LRRTM4: variants seen among roughly 807,000 people sequenced by gnomAD.
LRRTM4 encodes leucine rich repeat transmembrane neuronal 4.
In LRRTM4, 25 loss-of-function variants were observed where a neutral mutation model predicts 47.6. The ratio of observed to expected loss-of-function variants is 0.53; its 90% confidence interval spans 0.38 to 0.73. The LOEUF is 0.73. LRRTM4 is among the 30% of genes least tolerant of loss of function. The pLI, the probability that LRRTM4 is intolerant of heterozygous loss-of-function variation, is 0.00. For missense variants in LRRTM4, 638 were observed against 713.4 expected, an observed-to-expected ratio of 0.89 and a Z score of 1.20; for synonymous variants, 311 against 269.5, an observed-to-expected ratio of 1.15 and a Z score of -1.51.
At chr2:76,762,960 T>G (rs1343734346) in intron 3 of LRRTM4, among the ~76,000 whole-genome samples, 4 of 152,190 alleles carry the variant, frequency 2.6e-5, no homozygotes, top group African/African-American at 9.7e-5. Flanking sequence ...GTTTATGTAA[T>G]ATGACTGACG....
chr2:77,222,109 G>A (rs1674653601), intron 3 of LRRTM4, among the ~76,000 whole-genome samples: 1 of 152,094 alleles, frequency 6.6e-6, no homozygotes, highest in Admixed American at 6.5e-5. Context: ...AATGACTACT[G>A]GGTACATAAG....
chr2:77,348,218 C>T (rs1428714980), intron 3 of LRRTM4, among the ~76,000 whole-genome samples: 1 of 151,454 alleles, frequency 6.6e-6, no homozygotes, highest in Non-Finnish European at 1.5e-5. Flanking sequence ...TACTGTTAAA[C>T]TTAACAGTAT....
chr2:77,297,596 T>C (rs1677008658), intron 3 of LRRTM4, among the ~76,000 whole-genome samples: 1 of 152,138 alleles, frequency 6.6e-6, no homozygotes, highest in Admixed American at 6.5e-5. Flanking sequence ...TAAGTCTGGG[T>C]TGGTCTTTGG....
At chr2:76,840,736 T>C (rs895042713) in intron 3 of LRRTM4, among the ~76,000 whole-genome samples, 1 of 152,152 alleles carries the variant, frequency 6.6e-6, no homozygotes, top group Non-Finnish European at 1.5e-5. Context: ...AGTAGTGATA[T>C]CTGAATTCTT....
intron 3 of LRRTM4, among the ~76,000 whole-genome samples, chr2:77,130,542 C>T (rs1477666090): frequency 6.6e-6 from 1 of 151,850 alleles, no homozygotes; most frequent in Non-Finnish European, 1.5e-5. Context: ...GATGGACTCT[C>T]GCTCTGTTGC....
At chr2:76,877,437 T>C (rs1299265867) in intron 3 of LRRTM4, among the ~76,000 whole-genome samples, 1 of 152,058 alleles carries the variant, frequency 6.6e-6, no homozygotes, top group East Asian at 1.9e-4. Flanking sequence ...AATCAACTAA[T>C]GGATCAGCAC....
At chr2:77,402,341 G>T (rs1673994551) in intron 3 of LRRTM4, among the ~76,000 whole-genome samples, 1 of 151,762 alleles carries the variant, frequency 6.6e-6, no homozygotes, top group Non-Finnish European at 1.5e-5. Context: ...AGAGATGGGG[G>T]TTTCATTATG....
intron 3 of LRRTM4, among the ~76,000 whole-genome samples, chr2:76,879,920 G>A (rs1480755750): frequency 1.3e-5 from 2 of 152,174 alleles, no homozygotes; most frequent in Non-Finnish European, 2.9e-5. Flanking sequence ...CAAATGTGGT[G>A]GAAACAGCGT....
intron 3 of LRRTM4, among the ~76,000 whole-genome samples, chr2:77,133,641 T>C (rs377393072): frequency 1.2e-3 from 176 of 152,302 alleles, no homozygotes; most frequent in African/African-American, 3.8e-3. Flanking sequence ...AGTTGTGTCA[T>C]ACTAAATTAT....
intron 3 of LRRTM4, among the ~76,000 whole-genome samples, chr2:76,876,504 A>G (rs569967694): frequency 6.6e-6 from 1 of 152,248 alleles, no homozygotes; most frequent in African/African-American, 2.4e-5. Context: ...AAATGTAAAA[A>G]AAGGATAGCA....
At chr2:77,197,173 C>G (rs1462839484) in intron 3 of LRRTM4, among the ~76,000 whole-genome samples, 4 of 152,000 alleles carry the variant, frequency 2.6e-5, no homozygotes, top group East Asian at 3.9e-4. Context: ...AATCTTTGTA[C>G]TGAGGATAGA....
intron 3 of LRRTM4, among the ~76,000 whole-genome samples, chr2:77,406,408 A>T (rs1422681132): frequency 6.6e-6 from 1 of 151,932 alleles, no homozygotes; most frequent in Non-Finnish European, 1.5e-5. Context: ...TGCAGCCTCT[A>T]ACTCCTGGGC....
intron 3 of LRRTM4, among the ~76,000 whole-genome samples, chr2:77,463,601 A>G (rs765118668): frequency 3.2e-4 from 48 of 152,142 alleles, no homozygotes; most frequent in Non-Finnish European, 6.6e-4. Flanking sequence ...CATATTTTCT[A>G]TAAATAATAG....
At chr2:77,203,481 T>C (rs528073293) in intron 3 of LRRTM4, among the ~76,000 whole-genome samples, 1 of 152,096 alleles carries the variant, frequency 6.6e-6, no homozygotes, top group Admixed American at 6.6e-5. Flanking sequence ...TAGGTAAAGA[T>C]TGGTGTTGGA....
intron 3 of LRRTM4, among the ~76,000 whole-genome samples, chr2:77,018,201 TTG>T (rs897031284): frequency 1.3e-5 from 2 of 151,458 alleles, no homozygotes; most frequent in African/African-American, 4.9e-5. Context: ...AAAATTTTTT[TTG>T]TTTTTTTTTT....
intron 3 of LRRTM4, among the ~76,000 whole-genome samples, chr2:77,366,041 T>C (rs973321203): frequency 2.6e-5 from 4 of 151,546 alleles, no homozygotes; most frequent in Non-Finnish European, 4.4e-5. Context: ...ATATGCCAGA[T>C]TGATGTATTT....
intron 3 of LRRTM4, among the ~76,000 whole-genome samples, chr2:77,417,494 A>T (rs1309020603): frequency 6.6e-6 from 1 of 152,196 alleles, no homozygotes; most frequent in East Asian, 1.9e-4. Flanking sequence ...AACCAACCCA[A>T]ATGTCCAACA....
chr2:76,769,067 C>T (rs1461998804), intron 3 of LRRTM4, among the ~76,000 whole-genome samples: 1 of 152,120 alleles, frequency 6.6e-6, no homozygotes, highest in African/African-American at 2.4e-5. Context: ...TTGAGGGCCT[C>T]CTCATAATCA....
At chr2:77,067,688 C>CACACAT (rs1680003321) in intron 3 of LRRTM4, among the ~76,000 whole-genome samples, 2 of 105,798 alleles carry the variant, frequency 1.9e-5, no homozygotes, top group African/African-American at 5.4e-5. Context: ...AAGATACGTA[C>CACACAT]ACACACACAC....
Sources: gnomAD v4.1 joint callset for allele counts (sites outside exome capture counted in the v4.1 genomes callset) on GRCh38, gnomAD v4.1.1 for gene constraint, MANE v1.5 for transcripts, NCBI Gene and HGNC (gene_info 2026-07-23, HGNC 2026-07-21) for gene names.